The following GAB4 variants were observed in gnomAD, a reference collection of about 807,000 sequenced individuals.
The protein encoded by GAB4 is GRB2 associated binding protein family member 4.
In GAB4, 26 loss-of-function variants were observed where a neutral mutation model predicts 51.3. The observed-to-expected ratio is 0.51, with a 90% CI of 0.37 to 0.70. The LOEUF is 0.70. Ranked by LOEUF, GAB4 falls within the 30% of genes least tolerant of loss-of-function variation. The pLI is 0.00. For synonymous variants in GAB4, 329 were observed against 291.2 expected, an observed-to-expected ratio of 1.13 and a Z score of -1.32; for missense variants, 759 against 734.6, an observed-to-expected ratio of 1.03 and a Z score of -0.38.
chr22:16,972,516 A>G (rs1250588685), intron 3 of GAB4, among the ~76,000 whole-genome samples: 1 of 152,148 alleles, frequency 6.6e-6, no homozygotes, highest in African/African-American at 2.4e-5. Flanking sequence ...AGAGCTTCGG[A>G]AGGATGTCAA....
intron 2 of GAB4, 42 bp downstream of exon 2, chr22:16,991,831 A>G: frequency 2.0e-6 from 3 of 1,512,902 alleles, no homozygotes; most frequent in Non-Finnish European, 2.7e-6. Context: ...GGAGGGCCTC[A>G]TCTCAGCCCC....
At chr22:16,969,203 AT>A (rs1243178975) in intron 4 of GAB4, among the ~76,000 whole-genome samples, 1 of 152,232 alleles carries the variant, frequency 6.6e-6, no homozygotes, top group East Asian at 1.9e-4. Context: ...GCTGGAAAAT[AT>A]TTTGAAGATC....
intron 7 of GAB4, 64 bp from the exon 8 acceptor site, chr22:16,964,926 A>G: frequency 7.8e-7 from 1 of 1,279,592 alleles, no homozygotes; most frequent in Non-Finnish European, 1.1e-6. Context: ...TCAGGGCTCC[A>G]GCCTCCAGCT....
In GAB4 at chr22:16,969,912, G is replaced by T. The variant is rs1479943075; in HGVS notation, c.937+31C>A. ...GTGGCCCCCAAACTCCTGGAACAGG[G>T]TGCTTCTGGGTGCCTTGAAGGGGTA... On this transcript the variant is annotated intron_variant, in intron 4 of 9. Transcript: ENST00000400588. The T allele has an allele frequency of 4.3e-6, 7 of 1,613,552 alleles. No homozygotes were observed. In the South Asian group the frequency reaches 6.6e-5, roughly 15 times the overall value.
chr22:16,994,516 T>C (rs17806634), intron 1 of GAB4, among the ~76,000 whole-genome samples: 4,271 of 152,318 alleles, frequency 0.028, 103 homozygotes, highest in Admixed American at 0.059. Context: ...GTACTGTTAC[T>C]ACTCTAGCTG....
chr22:17,006,617 C>T lies in GAB4; in HGVS notation c.174+1324G>A, dbSNP rs563800925. ...ACTTGGAACCAACCCAAATGCCCAT[C>T]AATAATAGACTGGATAAAGAAAATA... On this transcript the variant is annotated intron_variant, in intron 1 of 9. Coordinates refer to ENST00000400588, the MANE Select transcript of GAB4 (RefSeq NM_001037814.1). Among the ~76,000 whole-genome samples the T allele has an allele frequency of 2.0e-5, 3 of 152,152 alleles. No homozygotes were observed. In the East Asian group the frequency reaches 5.8e-4, roughly 29 times the overall value.
chr22:16,992,354 C>T (rs542575705), intron 1 of GAB4, among the ~76,000 whole-genome samples, 178 bp from the exon 2 acceptor site: 1 of 152,330 alleles, frequency 6.6e-6, no homozygotes, highest in Non-Finnish European at 1.5e-5. Context: ...ACTGCAGCAT[C>T]TCACTATGTC....
At chr22:16,964,724 G>T in intron 8 of GAB4, 42 bp downstream of exon 8, 1 of 1,403,972 alleles carries the variant, frequency 7.1e-7, no homozygotes, top group South Asian at 1.2e-5. Context: ...TGGGTCCCAG[G>T]GGACTCTGAT....
chr22:16,964,309 C>T (rs1188026491), intron 8 of GAB4, among the ~76,000 whole-genome samples: 4 of 152,224 alleles, frequency 2.6e-5, no homozygotes, highest in Non-Finnish European at 5.9e-5. Flanking sequence ...CTGGCTGGCT[C>T]ATTCTTCCAA....
intron 2 of GAB4, among the ~76,000 whole-genome samples, chr22:16,991,079 T>C (rs2060909618): frequency 6.6e-6 from 1 of 152,188 alleles, no homozygotes. Context: ...TGCTGAGCCC[T>C]GGACCCTTGC....
Position 16,992,192 on chromosome 22 carries a change from G to A in GAB4, c.175-16C>T. 2 of 1,592,684 alleles carry A rather than the reference G, an allele frequency of 1.3e-6. No individual in the cohort carries two copies. The highest frequency in any genetic ancestry group is 1.1e-5 in the South Asian group (1 of 88,454). ...TCCTCCAGGCCTAAGGAAGGAGTAA[G>A]AAGAGGGGAAGCATGCATTTGTTAT... On this transcript the variant is annotated splice_polypyrimidine_tract_variant and intron_variant, in intron 1 of 9. Coordinates refer to ENST00000400588, the MANE Select transcript of GAB4 (RefSeq NM_001037814.1).
intron 5 of GAB4, 22 bp downstream of exon 5, chr22:16,968,276 C>A (rs760353667): frequency 1.3e-6 from 2 of 1,576,268 alleles, no homozygotes; most frequent in East Asian, 2.2e-5. Context: ...AGTCTGGGGA[C>A]CCCTGGTTAA....
intron 3 of GAB4, among the ~76,000 whole-genome samples, chr22:16,979,238 T>A (rs1379304471): frequency 1.3e-5 from 2 of 152,210 alleles, no homozygotes; most frequent in Admixed American, 1.3e-4. Context: ...GGAAGTCAAG[T>A]TGTCTCTGTT....
intron 3 of GAB4, among the ~76,000 whole-genome samples, chr22:16,982,822 C>A (rs1270188045): frequency 2.0e-5 from 3 of 152,188 alleles, no homozygotes; most frequent in African/African-American, 7.2e-5. Flanking sequence ...AAAAGAGTCT[C>A]GGAACATGTC....
intron 2 of GAB4, among the ~76,000 whole-genome samples, chr22:16,991,392 T>C (rs553514085): frequency 6.6e-6 from 1 of 152,058 alleles, no homozygotes; most frequent in South Asian, 2.1e-4. Flanking sequence ...GAAGGAGCAT[T>C]TCTGCAACTT....
chr22:16,974,359 CAT>C (rs932364783), intron 3 of GAB4, among the ~76,000 whole-genome samples: 2 of 152,226 alleles, frequency 1.3e-5, no homozygotes, highest in African/African-American at 4.8e-5. Flanking sequence ...CTGAGAAACA[CAT>C]GTTACCCCTG....
chr22:16,971,495 A>C (rs2060731771), intron 3 of GAB4, among the ~76,000 whole-genome samples: 1 of 152,224 alleles, frequency 6.6e-6, no homozygotes, highest in Non-Finnish European at 1.5e-5. Context: ...GTATGGATCT[A>C]GGTCTTCTTC....
intron 3 of GAB4, among the ~76,000 whole-genome samples, chr22:16,983,401 A>G (rs1345241963): frequency 2.6e-5 from 4 of 152,200 alleles, no homozygotes; most frequent in Non-Finnish European, 5.9e-5. Flanking sequence ...CTGCAGAGTC[A>G]ATGCCTATCA....
chr22:17,007,996 A>C lies in GAB4; in HGVS notation c.119T>G (p.Val40Gly), dbSNP rs1471248696. 1 of 1,612,594 alleles carries C rather than the reference A, an allele frequency of 6.2e-7. No individual in the cohort carries two copies. Among genetic ancestry groups the C allele is most frequent in the Non-Finnish European group, 8.5e-7 (1 of 1,179,548 alleles). Residue 40 changes from valine to glycine, a missense_variant, in exon 1 of 10, where the codon GTG becomes GGG. By Grantham distance (109) the Val-to-Gly change is moderately radical. Around this residue, in one of 3 missense-constraint regions of GAB4, gnomAD observed 83 missense variants for 73.1 expected, o/e 1.14. Coordinates refer to ENST00000400588, the MANE Select transcript of GAB4 (RefSeq NM_001037814.1). Reference protein sequence around the residue: ...PAGGSTRSGHVLYSGWLRKSP... With the variant: ...PAGGSTRSGHGLYSGWLRKSP... ...CTTCCTCAGCCAGCCGCTGTACAGC[A>C]CGTGGCCACTTCTCGTGCTTCCGCC...
Sources: gnomAD v4.1 joint callset for allele counts (sites outside exome capture counted in the v4.1 genomes callset) on GRCh38, gnomAD v4.1.1 for gene constraint, gnomAD v4.1.1 regional missense constraint, MANE v1.5 for transcripts, NCBI Gene and HGNC (gene_info 2026-07-23, HGNC 2026-07-21) for gene names.